PHLPP1: variants seen among roughly 807,000 people sequenced by gnomAD.
The protein encoded by PHLPP1 is PH domain leucine-rich repeat-containing protein phosphatase 1.
PHLPP1 carries 42 observed loss-of-function variants against 117.2 expected under a neutral mutation model. That is an observed-to-expected ratio of 0.36 (90% confidence interval 0.28 to 0.46). The LOEUF is 0.46. Ranked by LOEUF, PHLPP1 falls within the 20% of genes least tolerant of loss-of-function variation. PHLPP1 has a pLI of 1.00. For missense variants in PHLPP1, 2,084 were observed against 2,241.9 expected (o/e 0.93, Z 1.42); for synonymous variants, 1,042 against 970.7 (o/e 1.07, Z -1.37).
chr18:62,829,709 G>A (rs1259804676), intron 1 of PHLPP1, among the ~76,000 whole-genome samples: 3 of 152,014 alleles, frequency 2.0e-5, no homozygotes, highest in East Asian at 1.9e-4. Flanking sequence ...TCGAGATTGC[G>A]CCACTGCACT....
intron 6 of PHLPP1, among the ~76,000 whole-genome samples, chr18:62,898,590 T>G (rs1426185540): frequency 6.6e-6 from 1 of 152,140 alleles, no homozygotes. Flanking sequence ...AGGATGAGGC[T>G]CTATCTCTGA....
chr18:62,902,966 T>A lies in PHLPP1; in HGVS notation c.2447T>A (p.Leu816Ter). ...MPHIKHVDLR[L>*]NVIRKLIADE... is the part of the protein sequence containing the mutation. ...TCTCTATGTCCTTTGCCCTCAAGGT[T>A]GAACGTAATTAGGAAGCTGATAGCA... The change falls in exon 7 of 17, where the codon TTG becomes TAG. Residue 816 changes from leucine to a stop codon, truncating the protein, a stop_gained and splice_region_variant. Transcript: ENST00000262719. LOFTEE classifies it high-confidence loss of function. 6.2e-7 allele frequency: 1 copy of A among 1,606,292 alleles called. No individual in the cohort carries two copies. Among genetic ancestry groups the A allele is most frequent in the Non-Finnish European group, 8.5e-7 (1 of 1,175,724 alleles).
At chr18:62,936,187 T>C (rs1025744062) in intron 10 of PHLPP1, among the ~76,000 whole-genome samples, 1 of 152,110 alleles carries the variant, frequency 6.6e-6, no homozygotes, top group Non-Finnish European at 1.5e-5. Context: ...GTGAGTCAAC[T>C]TGAAGGAGCT....
chr18:62,973,115 A>G (rs1158517459), intron 15 of PHLPP1, among the ~76,000 whole-genome samples: 5 of 152,216 alleles, frequency 3.3e-5, no homozygotes, highest in African/African-American at 9.6e-5. Context: ...CTTGGCCCTT[A>G]TGAAATACTA....
intron 11 of PHLPP1, among the ~76,000 whole-genome samples, chr18:62,942,506 C>G (rs1306327739): frequency 2.0e-5 from 3 of 152,234 alleles, no homozygotes; most frequent in Non-Finnish European, 4.4e-5. Context: ...GTAGACTCTA[C>G]TACCATAGAA....
chr18:62,969,541 C>A (rs1402253483), intron 14 of PHLPP1, among the ~76,000 whole-genome samples: 1 of 152,174 alleles, frequency 6.6e-6, no homozygotes, highest in African/African-American at 2.4e-5. Context: ...TTGCTCAAGC[C>A]TCCTACCAGT....
At chr18:62,896,483 G>A (rs1381635079) in intron 6 of PHLPP1, among the ~76,000 whole-genome samples, 2 of 151,868 alleles carry the variant, frequency 1.3e-5, no homozygotes, top group Non-Finnish European at 1.5e-5. Flanking sequence ...TAGTAGAGAC[G>A]AAGTTTCACT....
At chr18:62,927,738 A>C (rs1047489118) in intron 10 of PHLPP1, among the ~76,000 whole-genome samples, 2 of 152,146 alleles carry the variant, frequency 1.3e-5, no homozygotes, top group Admixed American at 6.5e-5. Flanking sequence ...CAGATCCAAA[A>C]GGCATAACAT....
rs186470282 is a variant in PHLPP1 at position 62,748,996 on chromosome 18, C to T, written c.1576+31737C>T. On this transcript the variant is annotated intron_variant, in intron 1 of 16. Coordinates refer to ENST00000262719, the MANE Select transcript of PHLPP1 (RefSeq NM_194449.4). ...TAACTTCAAAATGTCACATAAAAAG[C>T]GTATAATCACCATTTCTTCAACATC... Among the ~76,000 whole-genome samples, 253 of 152,138 alleles carry T rather than the reference C, an allele frequency of 1.7e-3. 2 individuals carry two copies. Among genetic ancestry groups the T allele is most frequent in the Non-Finnish European group, 3.1e-3 (212 of 67,988 alleles).
chr18:62,849,832 A>ATCT (rs747097979), intron 3 of PHLPP1, among the ~76,000 whole-genome samples: 2 of 33,084 alleles, frequency 6.0e-5, no homozygotes, highest in African/African-American at 2.5e-4. Flanking sequence ...AAAAAAAAAA[A>ATCT]ATATATATAT....
At chr18:62,760,104 A>G (rs763820252) in intron 1 of PHLPP1, among the ~76,000 whole-genome samples, 17 of 152,226 alleles carry the variant, frequency 1.1e-4, no homozygotes, top group Non-Finnish European at 2.1e-4. Flanking sequence ...GATGGATACT[A>G]GTGGTCTACA....
At chr18:62,887,523 G>A (rs1332401918) in intron 4 of PHLPP1, among the ~76,000 whole-genome samples, 1 of 152,176 alleles carries the variant, frequency 6.6e-6, no homozygotes, top group Non-Finnish European at 1.5e-5. Flanking sequence ...TGTCTGGTGA[G>A]GACTCATTCT....
chr18:62,764,510 G>C (rs1912393252), intron 1 of PHLPP1, among the ~76,000 whole-genome samples: 1 of 151,928 alleles, frequency 6.6e-6, no homozygotes, highest in African/African-American at 2.4e-5. Context: ...ACTTGTACAA[G>C]GGAGGCCAAG....
chr18:62,763,337 C>G (rs370080212), intron 1 of PHLPP1, among the ~76,000 whole-genome samples: 4 of 152,188 alleles, frequency 2.6e-5, no homozygotes, highest in East Asian at 3.8e-4. Flanking sequence ...TCCGGTGGAA[C>G]TCGGGAGGAA....
At chr18:62,954,645 T>C (rs1910561710) in intron 12 of PHLPP1, among the ~76,000 whole-genome samples, 1 of 152,188 alleles carries the variant, frequency 6.6e-6, no homozygotes, top group African/African-American at 2.4e-5. Flanking sequence ...CGAACCTCCT[T>C]CCTGTGTGCA....
intron 1 of PHLPP1, among the ~76,000 whole-genome samples, chr18:62,794,569 C>T (rs1273446613): frequency 6.6e-6 from 1 of 151,994 alleles, no homozygotes; most frequent in Non-Finnish European, 1.5e-5. Context: ...GAGATAGGAT[C>T]TTGCTGTGTT....
chr18:62,882,963 GAAAAA>G (rs1331906323), intron 4 of PHLPP1, among the ~76,000 whole-genome samples: 3 of 137,806 alleles, frequency 2.2e-5, no homozygotes, highest in Non-Finnish European at 3.2e-5. Context: ...AAAAAAAAAA[GAAAAA>G]AAGAAAGGAT....
intron 1 of PHLPP1, among the ~76,000 whole-genome samples, chr18:62,750,533 G>A (rs558724045): frequency 2.6e-5 from 4 of 152,240 alleles, no homozygotes; most frequent in Admixed American, 2.6e-4. Context: ...TATTTTTATA[G>A]TTTTTTTCAA....
At chr18:62,885,958 A>T (rs1354995273) in intron 4 of PHLPP1, among the ~76,000 whole-genome samples, 1 of 152,188 alleles carries the variant, frequency 6.6e-6, no homozygotes, top group African/African-American at 2.4e-5. Flanking sequence ...TTCTCTCAAT[A>T]GCAGTTTGAA....
Sources: allele counts gnomAD v4.1 joint callset (sites outside exome capture counted in the v4.1 genomes callset), GRCh38; gene constraint gnomAD v4.1.1; transcripts MANE v1.5; gene names NCBI Gene and HGNC (gene_info 2026-07-23, HGNC 2026-07-21).